Variants in CADPS observed in about 807,000 individuals in gnomAD.
CADPS encodes calcium-dependent secretion activator 1.
In CADPS, 57 loss-of-function variants were observed where a neutral mutation model predicts 167.3. That is an observed-to-expected ratio of 0.34 (90% CI 0.28 to 0.42). The LOEUF (loss-of-function observed/expected upper bound fraction) is 0.42. CADPS is among the 20% of genes least tolerant of loss of function. CADPS has a pLI of 1.00. For synonymous variants in CADPS, 676 were observed against 635.3 expected, an observed-to-expected ratio of 1.06 and a Z score of -0.96; for missense variants, 1,414 against 1,738.1, an observed-to-expected ratio of 0.81 and a Z score of 3.32.
chr3:62,794,800 A>AGAAAAAAG (rs869191392), intron 1 of CADPS, among the ~76,000 whole-genome samples: 62 of 148,704 alleles, frequency 4.2e-4, no homozygotes, highest in African/African-American at 1.4e-3. Flanking sequence ...AAAAAAAAAA[A>AGAAAAAAG]AAATGCAAGA....
chr3:62,612,261 A>G (rs962896423), intron 6 of CADPS, among the ~76,000 whole-genome samples: 9 of 152,248 alleles, frequency 5.9e-5, no homozygotes, highest in African/African-American at 2.2e-4. Flanking sequence ...TATGAAGTTC[A>G]ATAAAATCAC....
chr3:62,425,651 A>C (rs1474696970), intron 28 of CADPS, among the ~76,000 whole-genome samples: 2 of 152,214 alleles, frequency 1.3e-5, no homozygotes, highest in African/African-American at 4.8e-5. Context: ...TCGAGCAGCG[A>C]ATGCCTACAA....
At chr3:62,590,576 CTA>C (rs1451159176) in intron 7 of CADPS, among the ~76,000 whole-genome samples, 1 of 151,970 alleles carries the variant, frequency 6.6e-6, no homozygotes, top group Admixed American at 6.5e-5. Flanking sequence ...CATCTGTAGT[CTA>C]TGCTGCAGTA....
At chr3:62,714,055 C>A (rs576272896) in intron 3 of CADPS, among the ~76,000 whole-genome samples, 12 of 152,210 alleles carry the variant, frequency 7.9e-5, no homozygotes, top group African/African-American at 2.4e-4. Flanking sequence ...ATAGATGAGG[C>A]CATTGAGGCT....
intron 17 of CADPS, among the ~76,000 whole-genome samples, chr3:62,510,901 T>C (rs1427507711): frequency 3.3e-5 from 5 of 152,136 alleles, no homozygotes; most frequent in African/African-American, 4.8e-5. Context: ...AAGATTGCAA[T>C]TGAGACCTGA....
chr3:62,798,139 C>T (rs140303048), intron 1 of CADPS, among the ~76,000 whole-genome samples: 12 of 152,000 alleles, frequency 7.9e-5, no homozygotes, highest in African/African-American at 2.9e-4. Flanking sequence ...AATGTGATGG[C>T]TAATACTGAG....
At chr3:62,579,943 T>A (rs562739920) in intron 8 of CADPS, among the ~76,000 whole-genome samples, 1 of 152,096 alleles carries the variant, frequency 6.6e-6, no homozygotes, top group African/African-American at 2.4e-5. Context: ...AATGGTGAGA[T>A]GGAAGCAGGG....
At chr3:62,750,698 C>A (rs2152396483) in intron 3 of CADPS, among the ~76,000 whole-genome samples, 1 of 152,246 alleles carries the variant, frequency 6.6e-6, no homozygotes, top group East Asian at 1.9e-4. Context: ...TGTCCAGTAC[C>A]TTTTTCCATC....
intron 6 of CADPS, chr3:62,626,597 A>G (rs966125830): frequency 1.4e-6 from 1 of 700,978 alleles, no homozygotes; most frequent in Non-Finnish European, 2.6e-6. Context: ...CTCAGTGTGA[A>G]GGAAGAACGT....
chr3:62,405,147 G>T (rs1435707940), intron 28 of CADPS, among the ~76,000 whole-genome samples: 1 of 149,396 alleles, frequency 6.7e-6, no homozygotes, highest in African/African-American at 2.5e-5. Flanking sequence ...GGGGGGGGGG[G>T]GGGCTCAACA....
intron 1 of CADPS, among the ~76,000 whole-genome samples, chr3:62,784,932 T>TCC (rs1317962646): frequency 1.3e-5 from 2 of 152,148 alleles, no homozygotes; most frequent in Non-Finnish European, 2.9e-5. Context: ...TTTGAGGATA[T>TCC]TAAAGAGTTA....
rs541585210 is a variant in CADPS at position 62,815,492 on chromosome 3, C to T, written c.442-49508G>A. 2.6e-5 allele frequency among the ~76,000 whole-genome samples: 4 copies of T among 152,118 alleles called. No individual in the cohort carries two copies. The East Asian group carries it at 7.7e-4, about 29-fold the overall frequency. On this transcript the variant is annotated intron_variant, in intron 1 of 29. Coordinates refer to ENST00000383710, the MANE Select transcript of CADPS (RefSeq NM_003716.4). ...CCTGGGGGACAGATAACATTCTGTT[C>T]CTTGATCTGGGTGCAGATTACATGG...
At chr3:62,813,840 C>A (rs2094494185) in intron 1 of CADPS, among the ~76,000 whole-genome samples, 1 of 152,114 alleles carries the variant, frequency 6.6e-6, no homozygotes, top group Non-Finnish European at 1.5e-5. Context: ...AAGTGGCCAA[C>A]AAACAGCAGA....
intron 3 of CADPS, among the ~76,000 whole-genome samples, chr3:62,690,190 T>A (rs1462668910): frequency 6.6e-6 from 1 of 152,032 alleles, no homozygotes; most frequent in African/African-American, 2.4e-5. Flanking sequence ...GATTGGCAGC[T>A]GCCCCTGTTA....
chr3:62,576,800 A>T (rs2082364412), intron 8 of CADPS, among the ~76,000 whole-genome samples: 1 of 148,640 alleles, frequency 6.7e-6, no homozygotes, highest in Non-Finnish European at 1.5e-5. Context: ...AAAAAAAAAA[A>T]AAAAAAAAAA....
At chr3:62,528,299 G>A (rs2072800065) in intron 13 of CADPS, among the ~76,000 whole-genome samples, 1 of 152,192 alleles carries the variant, frequency 6.6e-6, no homozygotes, top group African/African-American at 2.4e-5. Flanking sequence ...TCAGGCAAGT[G>A]ACTGAATTTA....
intron 3 of CADPS, among the ~76,000 whole-genome samples, chr3:62,710,620 T>C (rs1216618025): frequency 6.7e-6 from 1 of 149,180 alleles, no homozygotes; most frequent in Non-Finnish European, 1.5e-5. Flanking sequence ...CCCTATTCCC[T>C]CCCACTGAGA....
chr3:62,701,148 G>A (rs2081315164), intron 3 of CADPS, among the ~76,000 whole-genome samples: 1 of 152,036 alleles, frequency 6.6e-6, no homozygotes, highest in Non-Finnish European at 1.5e-5. Context: ...TTCAACATAT[G>A]AATTTGGGGG....
At chr3:62,528,567 T>C (rs13061568) in intron 13 of CADPS, among the ~76,000 whole-genome samples, 104,998 of 152,064 alleles carry the variant, frequency 0.69, 38,303 homozygotes, top group Middle Eastern at 0.85. Context: ...TTGTAATCCA[T>C]AGAAGATAAT....
Sources: gnomAD v4.1 joint callset for allele counts (sites outside exome capture counted in the v4.1 genomes callset) on GRCh38, gnomAD v4.1.1 for gene constraint, MANE v1.5 for transcripts, NCBI Gene and HGNC (gene_info 2026-07-23, HGNC 2026-07-21) for gene names.